The following CADM2 variants were observed in gnomAD, a reference collection of about 807,000 sequenced individuals.
The protein encoded by CADM2 is immunoglobulin superfamily member 4D.
CADM2 carries 12 observed loss-of-function variants against 49.8 expected under a neutral mutation model. The observed-to-expected ratio is 0.24, with a 90% CI of 0.15 to 0.39. CADM2 has a LOEUF of 0.39. Ranked by LOEUF, CADM2 falls within the 10% of genes least tolerant of loss-of-function variation. The probability of loss-of-function intolerance (pLI) is 1.00; values close to 1 mark genes in which losing one functional copy is unlikely to be tolerated. For synonymous variants in CADM2, 214 were observed against 175.4 expected, an observed-to-expected ratio of 1.22 and a Z score of -1.74; for missense variants, 378 against 492.3, an observed-to-expected ratio of 0.77 and a Z score of 2.20.
chr3:85,963,723 G>C (rs920365346), intron 8 of CADM2, among the ~76,000 whole-genome samples: 2 of 151,772 alleles, frequency 1.3e-5, no homozygotes, highest in African/African-American at 4.8e-5. Flanking sequence ...TTTTTTCAGT[G>C]CTTGCAAGCT....
chr3:85,769,686 A>G, intron 2 of CADM2, among the ~76,000 whole-genome samples: 1 of 146,098 alleles, frequency 6.8e-6, no homozygotes, highest in Middle Eastern at 3.6e-3. Context: ...ATATACATAT[A>G]TATGATTTGT....
intron 1 of CADM2, among the ~76,000 whole-genome samples, chr3:85,723,051 T>C (rs891104428): frequency 5.9e-5 from 9 of 152,232 alleles, no homozygotes; most frequent in African/African-American, 2.2e-4. Context: ...CATTTCTACA[T>C]AAATAGCTAT....
At chr3:85,952,194 A>G (rs955983039) in intron 7 of CADM2, among the ~76,000 whole-genome samples, 1 of 151,044 alleles carries the variant, frequency 6.6e-6, no homozygotes, top group Non-Finnish European at 1.5e-5. Context: ...TGAGAAGTCA[A>G]GGTATTAGTG....
intron 1 of CADM2, among the ~76,000 whole-genome samples, chr3:85,577,007 T>G (rs918833314): frequency 2.6e-4 from 40 of 152,136 alleles, no homozygotes; most frequent in African/African-American, 9.4e-4. Flanking sequence ...GTGACAAAAT[T>G]CTCCTGGATG....
chr3:85,646,446 AAAG>A (rs1559567211), intron 1 of CADM2, among the ~76,000 whole-genome samples: 1 of 151,998 alleles, frequency 6.6e-6, no homozygotes, highest in Non-Finnish European at 1.5e-5. Flanking sequence ...TTTTCTCTAA[AAAG>A]AAGTATTCTG....
chr3:85,465,192 C>CA (rs1035203405), intron 1 of CADM2, among the ~76,000 whole-genome samples: 2 of 152,006 alleles, frequency 1.3e-5, no homozygotes, highest in African/African-American at 4.8e-5. Context: ...AACAAACAAA[C>CA]AAAAAACATA....
At chr3:85,330,441 G>A (rs1235790257) in intron 1 of CADM2, among the ~76,000 whole-genome samples, 1 of 152,044 alleles carries the variant, frequency 6.6e-6, no homozygotes, top group Non-Finnish European at 1.5e-5. Context: ...ACTTGAAAGG[G>A]CAGATACAGT....
At chr3:85,390,580 TC>T (rs1244626503) in intron 1 of CADM2, among the ~76,000 whole-genome samples, 1 of 152,052 alleles carries the variant, frequency 6.6e-6, no homozygotes, top group Non-Finnish European at 1.5e-5. Context: ...TCTTTATACT[TC>T]ACAAGCGTTT....
chr3:85,427,859 T>C (rs2036485600), intron 1 of CADM2, among the ~76,000 whole-genome samples: 1 of 152,108 alleles, frequency 6.6e-6, no homozygotes, highest in Admixed American at 6.6e-5. Context: ...ATAATCATTT[T>C]TCAGTCCTTA....
intron 1 of CADM2, among the ~76,000 whole-genome samples, chr3:85,660,393 C>T (rs1489693501): frequency 2.0e-5 from 3 of 150,922 alleles, no homozygotes; most frequent in South Asian, 4.2e-4. Context: ...TCTTTAAGAA[C>T]TTGCCATGTC....
At chr3:85,194,364 T>A (rs2041287939) in intron 1 of CADM2, among the ~76,000 whole-genome samples, 1 of 152,004 alleles carries the variant, frequency 6.6e-6, no homozygotes, top group African/African-American at 2.4e-5. Flanking sequence ...AGAAGTTTTA[T>A]ATAGGAGGGT....
intron 1 of CADM2, among the ~76,000 whole-genome samples, chr3:85,713,494 T>C (rs983516302): frequency 6.6e-6 from 1 of 151,972 alleles, no homozygotes; most frequent in Non-Finnish European, 1.5e-5. Context: ...TTATCAATAA[T>C]ATATAGAAAC....
rs544751415 is a variant in CADM2 at position 85,961,327 on chromosome 3, ATGGTCCTTT to A, written c.792-137_792-129del. On this transcript the variant is annotated intron_variant, in intron 7 of 9. Transcript: ENST00000383699. The stretch of plus-strand genomic sequence containing the variant: ...TCCGACTCTTTTGAGTGAGTGTGTG[ATGGTCCTTT>A]TGGTATCTTATAGAAGTTAGCATAT... 1,492 of 608,054 alleles carry A rather than the reference ATGGTCCTTT, an allele frequency of 2.5e-3. 13 individuals carry two copies. The highest frequency in any genetic ancestry group is 8.0e-3 in the South Asian group (269 of 33,772). 37.7% of individuals were successfully genotyped at this position (608,054 alleles called of 1,614,324 possible).
chr3:85,079,307 G>A (rs1408392274), intron 1 of CADM2, among the ~76,000 whole-genome samples: 2 of 151,672 alleles, frequency 1.3e-5, no homozygotes, highest in Non-Finnish European at 3.0e-5. Context: ...TTTATCAATT[G>A]TCTTTCCTGG....
intron 3 of CADM2, among the ~76,000 whole-genome samples, chr3:85,820,857 AAGG>A (rs566368861): frequency 1.8e-3 from 271 of 152,268 alleles, no homozygotes; most frequent in African/African-American, 5.7e-3. Flanking sequence ...ACCACAGGTT[AAGG>A]AGGTGAGGGG....
Position 85,743,976 on chromosome 3 carries a change from AT to A in CADM2, c.88+17429del, listed in dbSNP as rs377484747. Among the ~76,000 whole-genome samples, 325 of 152,284 alleles carry A rather than the reference AT, an allele frequency of 2.1e-3. 1 individual carries two copies. The highest frequency in any genetic ancestry group is 7.6e-3 in the African/African-American group (317 of 41,572). The stretch of plus-strand genomic sequence containing the variant: ...TACTTCTGTTCAATGGTGTATACAA[AT>A]AACAAAAGAGACAAAATCCCTAGCC... On this transcript the variant is annotated intron_variant, in intron 2 of 9. Coordinates refer to ENST00000383699, the MANE Select transcript of CADM2 (RefSeq NM_001167675.2).
At chr3:85,231,150 A>AT (rs755972608) in intron 1 of CADM2, among the ~76,000 whole-genome samples, 1 of 152,050 alleles carries the variant, frequency 6.6e-6, no homozygotes, top group Non-Finnish European at 1.5e-5. Flanking sequence ...CTATTACCTC[A>AT]TTTTACCTTA....
At chr3:85,978,998 G>GA (rs1450111322) in intron 8 of CADM2, among the ~76,000 whole-genome samples, 2 of 151,632 alleles carry the variant, frequency 1.3e-5, no homozygotes, top group Admixed American at 6.6e-5. Flanking sequence ...AAAAAGAAGT[G>GA]AAAAAAATGA....
At chr3:85,570,950 T>G (rs752470800) in intron 1 of CADM2, among the ~76,000 whole-genome samples, 4 of 152,176 alleles carry the variant, frequency 2.6e-5, no homozygotes, top group Admixed American at 1.3e-4. Context: ...TACCTGATTT[T>G]TTTTCATTTT....
Sources: allele counts gnomAD v4.1 joint callset (sites outside exome capture counted in the v4.1 genomes callset), GRCh38; gene constraint gnomAD v4.1.1; transcripts MANE v1.5; gene names NCBI Gene and HGNC (gene_info 2026-07-23, HGNC 2026-07-21).